The following ZNF521 variants were observed in gnomAD, a reference collection of about 807,000 sequenced individuals.
ZNF521 encodes zinc finger protein 521, also known as LYST-interacting protein 3.
ZNF521 carries 14 observed loss-of-function variants against 105.5 expected under a neutral mutation model. That is an observed-to-expected ratio of 0.13 (90% CI 0.09 to 0.21). The LOEUF is 0.21. Among genes scored for constraint, ZNF521 ranks in the 10% least tolerant of loss-of-function variants. ZNF521 has a pLI of 1.00. For missense variants in ZNF521, 1,233 were observed against 1,629.7 expected (o/e 0.76, Z 4.19); for synonymous variants, 635 against 606.0 (o/e 1.05, Z -0.70).
At chr18:25,099,057 T>C (rs1320892518) in intron 5 of ZNF521, among the ~76,000 whole-genome samples, 1 of 152,126 alleles carries the variant, frequency 6.6e-6, no homozygotes, top group Non-Finnish European at 1.5e-5. Flanking sequence ...AGAACTCAGT[T>C]TGGGGTTATT....
intron 3 of ZNF521, among the ~76,000 whole-genome samples, chr18:25,292,973 A>G (rs762611477): frequency 3.3e-5 from 5 of 152,182 alleles, no homozygotes; most frequent in Non-Finnish European, 7.3e-5. Flanking sequence ...AGATCCCCAA[A>G]GCACAGTTTG....
At chr18:25,088,747 A>G (rs1439667154) in intron 7 of ZNF521, among the ~76,000 whole-genome samples, 1 of 152,148 alleles carries the variant, frequency 6.6e-6, no homozygotes, top group Non-Finnish European at 1.5e-5. Flanking sequence ...ACCAGTCTAT[A>G]GCTAAGAAAA....
intron 2 of ZNF521, among the ~76,000 whole-genome samples, chr18:25,327,897 C>T (rs1416385408): frequency 1.3e-5 from 2 of 152,144 alleles, no homozygotes; most frequent in East Asian, 3.9e-4. Context: ...AAAAAGCAAT[C>T]GATGGGGTGG....
intron 3 of ZNF521, among the ~76,000 whole-genome samples, chr18:25,317,012 G>A (rs942569018): frequency 1.3e-5 from 2 of 152,116 alleles, no homozygotes; most frequent in African/African-American, 4.8e-5. Context: ...GCGCCACTAT[G>A]CCCTGCTAAC....
intron 3 of ZNF521, among the ~76,000 whole-genome samples, chr18:25,296,792 T>G (rs1333259716): frequency 6.6e-6 from 1 of 152,192 alleles, no homozygotes; most frequent in African/African-American, 2.4e-5. Context: ...ATTTATATTC[T>G]CTAGGATGTA....
chr18:25,087,203 G>T (rs1340349878), intron 7 of ZNF521, among the ~76,000 whole-genome samples: 2 of 152,118 alleles, frequency 1.3e-5, no homozygotes, highest in African/African-American at 4.8e-5. Flanking sequence ...GAATGTAAAG[G>T]CATCCTGAGA....
At chr18:25,210,539 C>T (rs1442273924) in intron 4 of ZNF521, among the ~76,000 whole-genome samples, 1 of 152,192 alleles carries the variant, frequency 6.6e-6, no homozygotes, top group African/African-American at 2.4e-5. Context: ...CTCTTTATGA[C>T]ATGAAGTGCA....
intron 5 of ZNF521, among the ~76,000 whole-genome samples, chr18:25,152,481 A>C (rs1282253197): frequency 1.3e-5 from 2 of 151,672 alleles, no homozygotes; most frequent in Non-Finnish European, 2.9e-5. Context: ...TCGGTCTCAA[A>C]AAAAAAAAAG....
Position 25,225,966 on chromosome 18 carries a change from G to A in ZNF521, c.1952C>T (p.Thr651Ile), listed in dbSNP as rs1396059630. 1.9e-6 allele frequency: 3 copies of A among 1,614,150 alleles called. No homozygotes were observed. Among genetic ancestry groups the A allele is most frequent in the Non-Finnish European group, 2.5e-6 (3 of 1,180,028 alleles). The stretch of plus-strand genomic sequence containing the variant: ...AGTGTCGAGATGAGTTTTTAGGTGA[G>A]TCTGAAAGCTGTCTAGGGATGTGTA... ...AKYTSLDSFQ[T>I]HLKTHLDTVL... The change falls in exon 4 of 8, where the codon ACT (threonine) becomes ATT (isoleucine). Residue 651 changes from threonine to isoleucine, a missense_variant. Thr to Ile is a moderately conservative substitution (Grantham distance 89, BLOSUM62 -1). Transcript: ENST00000361524. This position sits in a 1 kb window ranked among gnomAD's most constrained non-coding sequence, Gnocchi z 5.6.
chr18:25,111,349 T>C (rs1049289072), intron 5 of ZNF521, among the ~76,000 whole-genome samples: 2 of 152,236 alleles, frequency 1.3e-5, no homozygotes, highest in African/African-American at 4.8e-5. Flanking sequence ...TTTAGAGTGC[T>C]ACCTCATTGT....
intron 7 of ZNF521, among the ~76,000 whole-genome samples, chr18:25,071,537 A>T (rs568625652): frequency 2.4e-4 from 37 of 152,358 alleles, no homozygotes; most frequent in African/African-American, 8.9e-4. Flanking sequence ...CAGAGCCATC[A>T]TCCTCAATTT....
chr18:25,201,220 TCA>T, intron 4 of ZNF521: 1 of 152,084 alleles, frequency 6.6e-6, no homozygotes, highest in Non-Finnish European at 1.5e-5. Context: ...CATGGGTAAT[TCA>T]GTTTTATGTC....
rs574636779 is a variant in ZNF521 at position 25,072,153 on chromosome 18, G to T, written c.3907-9412C>A. Among the ~76,000 whole-genome samples, 4 of 152,334 alleles carry T rather than the reference G, an allele frequency of 2.6e-5. No individual in the cohort carries two copies. The South Asian group carries it at 8.3e-4, about 32-fold the overall frequency. On this transcript the variant is annotated intron_variant, in intron 7 of 7. Coordinates refer to ENST00000361524, the MANE Select transcript of ZNF521 (RefSeq NM_015461.3). Reference sequence around the variant, plus strand: ...AAACGAGCTGGAAAAGCCCATGGCGGTTACCATGTACCAAGAATACCCAGT... The same window carrying T: ...AAACGAGCTGGAAAAGCCCATGGCGTTTACCATGTACCAAGAATACCCAGT...
intron 3 of ZNF521, among the ~76,000 whole-genome samples, chr18:25,261,221 A>G (rs951177913): frequency 5.3e-5 from 8 of 152,172 alleles, no homozygotes; most frequent in African/African-American, 1.9e-4. Flanking sequence ...AAGTGAGTTA[A>G]TACATTTTAG....
At chr18:25,097,336 T>C (rs2033873455) in intron 5 of ZNF521, among the ~76,000 whole-genome samples, 1 of 152,172 alleles carries the variant, frequency 6.6e-6, no homozygotes, top group South Asian at 2.1e-4. Flanking sequence ...CAATGGAGAA[T>C]ATGACTTAGG....
chr18:25,201,558 C>T (rs2035993198), intron 4 of ZNF521: 1 of 152,132 alleles, frequency 6.6e-6, no homozygotes, highest in Admixed American at 6.6e-5. Context: ...TATATTTTAT[C>T]AATCATTGCT....
At chr18:25,193,230 T>C (rs2035848502) in intron 5 of ZNF521, among the ~76,000 whole-genome samples, 1 of 152,106 alleles carries the variant, frequency 6.6e-6, no homozygotes, top group East Asian at 1.9e-4. Flanking sequence ...TTAATGTTTA[T>C]AGGCAAAATG....
At chr18:25,320,463 G>A (rs867224034) in intron 3 of ZNF521, among the ~76,000 whole-genome samples, 5 of 152,174 alleles carry the variant, frequency 3.3e-5, no homozygotes, top group South Asian at 4.2e-4. Context: ...GAGCCACCGC[G>A]CCTGGCCTAA....
intron 3 of ZNF521, among the ~76,000 whole-genome samples, chr18:25,233,298 T>C (rs980945322): frequency 1.3e-5 from 2 of 152,114 alleles, no homozygotes; most frequent in African/African-American, 2.4e-5. Flanking sequence ...ATGTCAACAG[T>C]TTTAGAAAAG....
Sources: gnomAD v4.1 joint callset for allele counts (sites outside exome capture counted in the v4.1 genomes callset) on GRCh38, gnomAD v4.1.1 for gene constraint, Gnocchi (gnomAD v3.1) non-coding constraint, MANE v1.5 for transcripts, NCBI Gene and HGNC (gene_info 2026-07-23, HGNC 2026-07-21) for gene names.